HERC3: variants seen among roughly 807,000 people sequenced by gnomAD.
The protein encoded by HERC3 is HECT and RLD domain containing E3 ubiquitin protein ligase 3.
In HERC3, 58 loss-of-function variants were observed where a neutral mutation model predicts 129.9. The observed-to-expected ratio is 0.45, with a 90% confidence interval of 0.36 to 0.56. HERC3 has a LOEUF of 0.56. HERC3 is among the 20% of genes least tolerant of loss of function. The probability of loss-of-function intolerance (pLI) is 0.00; values close to 1 mark genes in which losing one functional copy is unlikely to be tolerated. For missense variants in HERC3, 835 were observed against 1,244.2 expected, an observed-to-expected ratio of 0.67 and a Z score of 4.95; for synonymous variants, 430 against 451.0, an observed-to-expected ratio of 0.95 and a Z score of 0.59.
At chr4:88,608,326 A>G (rs1279180392) in intron 3 of HERC3, among the ~76,000 whole-genome samples, 1 of 152,184 alleles carries the variant, frequency 6.6e-6, no homozygotes. Flanking sequence ...GAAATGCACC[A>G]GGCCTACTCA....
chr4:88,543,313 A>G, the HERC3 span, among the ~76,000 whole-genome samples: 1 of 152,364 alleles, frequency 6.6e-6, no homozygotes, highest in East Asian at 1.9e-4. Context: ...GAGCCAAATC[A>G]TGAGTGAACT....
the HERC3 span, among the ~76,000 whole-genome samples, chr4:88,572,027 T>G: frequency 1.4e-4 from 22 of 152,212 alleles, no homozygotes; most frequent in East Asian, 1.2e-3. Flanking sequence ...ACTGATGTCT[T>G]TATAAGATAA....
the HERC3 span, among the ~76,000 whole-genome samples, chr4:88,577,748 A>C: frequency 6.6e-6 from 1 of 152,022 alleles, no homozygotes; most frequent in African/African-American, 2.4e-5. Context: ...ATAAACTGGC[A>C]CCATAGAATG....
chr4:88,655,966 A>G lies in HERC3; in HGVS notation c.1000A>G (p.Asn334Asp), dbSNP rs757114976. Reference protein sequence around the residue: ...RGQLGTGHTCNVKCPSPVKGY... With the variant: ...RGQLGTGHTCDVKCPSPVKGY... ...TCAATTAGGAACTGGGCACACTTGT[A>G]ATGTTAAGTGCCCATCTCCTGTCAA... Residue 334 changes from asparagine to aspartate, a missense_variant, in exon 9 of 26, where the codon AAT (asparagine) becomes GAT (aspartate). Physicochemically the swap from Asn to Asp is conservative, Grantham distance 23. Coordinates refer to ENST00000402738, the MANE Select transcript of HERC3 (RefSeq NM_014606.3). The G allele has an allele frequency of 5.6e-6, 9 of 1,614,054 alleles. No homozygotes were observed. Among genetic ancestry groups the G allele is most frequent in the Non-Finnish European group, 7.6e-6 (9 of 1,179,922 alleles).
chr4:88,635,965 C>G (rs1311960930), intron 3 of HERC3, among the ~76,000 whole-genome samples: 1 of 152,226 alleles, frequency 6.6e-6, no homozygotes, highest in East Asian at 1.9e-4. Flanking sequence ...AATTTGCCAC[C>G]ACCAGGACTG....
In HERC3 at chr4:88,678,114, G is replaced by T; in HGVS notation, c.2176G>T (p.Asp726Tyr). ...AGAGCTGAGCATTCATTCTGATATT[G>T]ATTTGAAAAAGCCTCTCAAAGTGAG... ...LRELSIHSDIDLKKPLKVIFD... is the reference protein window; with the variant it reads ...LRELSIHSDIYLKKPLKVIFD... Residue 726 changes from aspartate to tyrosine, a missense_variant, in exon 19 of 26, where the codon GAT becomes TAT. Physicochemically the swap from Asp to Tyr is radical, Grantham distance 160. Coordinates refer to ENST00000402738, the MANE Select transcript of HERC3 (RefSeq NM_014606.3). 6.2e-7 allele frequency: 1 copy of T among 1,613,706 alleles called. No individual in the cohort carries two copies.
chr4:88,648,995 T>A (rs1728988710), intron 3 of HERC3, among the ~76,000 whole-genome samples: 1 of 152,200 alleles, frequency 6.6e-6, no homozygotes, highest in Non-Finnish European at 1.5e-5. Context: ...TAGCACTCTC[T>A]TTCTAGTTCA....
At chr4:88,645,398 G>C (rs554921790) in intron 3 of HERC3, among the ~76,000 whole-genome samples, 1 of 152,214 alleles carries the variant, frequency 6.6e-6, no homozygotes, top group Admixed American at 6.5e-5. Flanking sequence ...CATCTAAGTG[G>C]TGAAAGTTTA....
intron 3 of HERC3, among the ~76,000 whole-genome samples, chr4:88,638,947 A>G (rs531482494): frequency 1.3e-5 from 2 of 152,332 alleles, no homozygotes; most frequent in African/African-American, 2.4e-5. Flanking sequence ...TACAACAGCA[A>G]TGGAAAAGCA....
the HERC3 span, among the ~76,000 whole-genome samples, chr4:88,562,522 AT>A: frequency 6.6e-6 from 1 of 151,950 alleles, no homozygotes; most frequent in Non-Finnish European, 1.5e-5. Flanking sequence ...CCATGTGTCC[AT>A]TTTTTGCTTT....
intron 3 of HERC3, among the ~76,000 whole-genome samples, chr4:88,615,559 A>T (rs1724811888): frequency 6.6e-6 from 1 of 152,210 alleles, no homozygotes; most frequent in African/African-American, 2.4e-5. Flanking sequence ...TTAGAGTATT[A>T]GCTAATTATG....
the HERC3 span, among the ~76,000 whole-genome samples, chr4:88,579,228 AAAAAAT>A: frequency 6.9e-4 from 68 of 98,568 alleles, no homozygotes; most frequent in East Asian, 7.7e-3. Context: ...CTAAAAAAAA[AAAAAAT>A]ATATATATAT....
At chr4:88,702,891 G>A (rs1184397515) in intron 23 of HERC3, among the ~76,000 whole-genome samples, 1 of 152,048 alleles carries the variant, frequency 6.6e-6, no homozygotes, top group Non-Finnish European at 1.5e-5. Context: ...ATGGACAATG[G>A]CCAGGCCATA....
At chr4:88,681,101 G>C (rs1372409328) in intron 20 of HERC3, 58 bp from the exon 21 acceptor site, 1 of 1,502,318 alleles carries the variant, frequency 6.7e-7, no homozygotes, top group Admixed American at 2.3e-5. Context: ...ATGGTAGAAT[G>C]TTTGAAGGCC....
Position 88,656,015 on chromosome 4 carries a change from G to T in HERC3, c.1049G>T (p.Gly350Val). The T allele has an allele frequency of 6.2e-7, 1 of 1,614,080 alleles. No homozygotes were observed. Among genetic ancestry groups the T allele is most frequent in the East Asian group, 2.2e-5 (1 of 44,880 alleles). The change falls in exon 9 of 26, where the codon GGC becomes GTC. Residue 350 changes from glycine (G) to valine (V), a missense_variant. Physicochemically the swap from Gly to Val is moderately radical, Grantham distance 109. Coordinates refer to ENST00000402738, the MANE Select transcript of HERC3 (RefSeq NM_014606.3). ...PVKGYWAAHS[G>V]QLSARADRFK... is the part of the protein sequence containing the mutation. ...AAGGGTTACTGGGCTGCCCACAGTG[G>T]CCAGCTTTCAGCCCGAGCTGGTAAG...
the HERC3 span, chr4:88,525,068 T>C: frequency 6.6e-6 from 1 of 152,152 alleles, no homozygotes; most frequent in Non-Finnish European, 1.5e-5. Flanking sequence ...TGTTCACTAA[T>C]GCTCAGAAGA....
At chr4:88,527,251 C>T in the HERC3 span, 6 of 151,116 alleles carry the variant, frequency 4.0e-5, no homozygotes, top group Admixed American at 4.0e-4. Flanking sequence ...TTCTCTCTTT[C>T]TTTCTTTTTT....
At chr4:88,634,022 C>G (rs953069370) in intron 3 of HERC3, among the ~76,000 whole-genome samples, 5 of 152,140 alleles carry the variant, frequency 3.3e-5, no homozygotes, top group Non-Finnish European at 7.4e-5. Flanking sequence ...CACCGGCAAC[C>G]AAGATATCCA....
intron 23 of HERC3, among the ~76,000 whole-genome samples, chr4:88,701,320 G>A (rs1735295856): frequency 6.6e-6 from 1 of 152,150 alleles, no homozygotes; most frequent in African/African-American, 2.4e-5. Flanking sequence ...TACAGAAGAT[G>A]GCAGAGCCTG....
Sources: allele counts gnomAD v4.1 joint callset (sites outside exome capture counted in the v4.1 genomes callset), GRCh38; gene constraint gnomAD v4.1.1; transcripts MANE v1.5; gene names NCBI Gene and HGNC (gene_info 2026-07-23, HGNC 2026-07-21).